Variants in AFDN observed in about 807,000 individuals in gnomAD.
AFDN encodes the protein afadin.
In AFDN, 68 loss-of-function variants were observed where a neutral mutation model predicts 216.6. That is an observed-to-expected ratio of 0.31 (90% CI 0.26 to 0.38). AFDN has a LOEUF of 0.38. Among genes scored for constraint, AFDN ranks in the 10% least tolerant of loss-of-function variants. The probability of loss-of-function intolerance (pLI) is 1.00; values close to 1 mark genes in which losing one functional copy is unlikely to be tolerated. For synonymous variants in AFDN, 868 were observed against 853.7 expected (o/e 1.02, Z -0.29); for missense variants, 2,136 against 2,342.0 (o/e 0.91, Z 1.82).
At chr6:167,887,094 A>T (rs905437867) in intron 6 of AFDN, among the ~76,000 whole-genome samples, 1 of 151,128 alleles carries the variant, frequency 6.6e-6, no homozygotes, top group African/African-American at 2.4e-5. Flanking sequence ...GGGAATGTTG[A>T]TGTTGATAAG....
intron 2 of AFDN, 40 bp from the exon 3 acceptor site, chr6:167,870,344 AAC>A: frequency 7.7e-7 from 1 of 1,300,844 alleles, no homozygotes; most frequent in Non-Finnish European, 1.1e-6. Context: ...TCTATGAAAT[AAC>A]CATAGCTTAT....
rs2128665182 is a variant in AFDN at position 167,948,494 on chromosome 6, T to A, written c.3831+16T>A. On this transcript the variant is annotated intron_variant, in intron 29 of 33. Coordinates refer to ENST00000683244, the MANE Select transcript of AFDN (RefSeq NM_001386888.1). Reference sequence around the variant, plus strand: ...TGCAATTCAGGTTAGAAATCAAAGATTCCACACACTTTTCTCACCTCTCAA... The same window carrying A: ...TGCAATTCAGGTTAGAAATCAAAGAATCCACACACTTTTCTCACCTCTCAA... 1.9e-6 allele frequency: 3 copies of A among 1,608,548 alleles called. No individual in the cohort carries two copies. In the East Asian group the frequency reaches 6.7e-5, roughly 36 times the overall value.
chr6:167,951,510 T>G lies in AFDN; in HGVS notation c.4156T>G (p.Phe1386Val), dbSNP rs748900150. 6.2e-7 allele frequency: 1 copy of G among 1,613,920 alleles called. No homozygotes were observed. Among genetic ancestry groups the G allele is most frequent in the Admixed American group, 1.7e-5 (1 of 60,002 alleles). Residue 1386 changes from phenylalanine (F) to valine (V), a missense_variant, in exon 30 of 34, where the codon TTC becomes GTC. Physicochemically the swap from Phe to Val is conservative, Grantham distance 50. Around this residue, in one of 8 missense-constraint regions of AFDN, gnomAD observed 981 missense variants for 966.0 expected, o/e 1.02. Transcript: ENST00000683244. This position sits in a 1 kb window ranked among gnomAD's most constrained non-coding sequence, Gnocchi z 7.1. Reference sequence around the variant, plus strand: ...ACCTCCAGTCCACTATGCCGGTGATTTCGATGGAATGTCCATGGATTTGCC... The same window carrying G: ...ACCTCCAGTCCACTATGCCGGTGATGTCGATGGAATGTCCATGGATTTGCC... ...PPPPVHYAGD[F>V]DGMSMDLPLP... is the part of the protein sequence containing the mutation.
chr6:167,903,204 G>A (rs1165002771), intron 12 of AFDN, among the ~76,000 whole-genome samples: 5 of 152,288 alleles, frequency 3.3e-5, no homozygotes, highest in Admixed American at 2.6e-4. Context: ...TGGCTAAACA[G>A]CAACCATTTT....
At chr6:167,949,177 T>G (rs182022599) in intron 29 of AFDN, among the ~76,000 whole-genome samples, 16 of 152,350 alleles carry the variant, frequency 1.1e-4, no homozygotes, top group South Asian at 2.1e-4. Flanking sequence ...TTTAGAGAGA[T>G]AACTGTTTGT....
chr6:167,956,138 A>C (rs962631840), intron 30 of AFDN, among the ~76,000 whole-genome samples: 1 of 150,720 alleles, frequency 6.6e-6, no homozygotes, highest in Non-Finnish European at 1.5e-5. Context: ...AAAAAAAAAA[A>C]AACTATAGAA....
intron 23 of AFDN, among the ~76,000 whole-genome samples, chr6:167,931,939 C>T (rs1160560369): frequency 6.6e-6 from 1 of 152,140 alleles, no homozygotes; most frequent in Non-Finnish European, 1.5e-5. Context: ...CCCATGGCAC[C>T]CCCTCTCAAA....
intron 23 of AFDN, among the ~76,000 whole-genome samples, chr6:167,939,998 C>T (rs1794490687): frequency 6.6e-6 from 1 of 152,214 alleles, no homozygotes; most frequent in Non-Finnish European, 1.5e-5. Flanking sequence ...AAAGCTCAGT[C>T]TTTGCCAACT....
chr6:167,898,153 A>C, intron 10 of AFDN, 52 bp from the exon 11 acceptor site: 1 of 1,596,190 alleles, frequency 6.3e-7, no homozygotes, highest in Non-Finnish European at 8.6e-7. Context: ...TTCTGTGTTT[A>C]AATGCTGTGA....
chr6:167,951,592 C>T lies in AFDN; in HGVS notation c.4238C>T (p.Ala1413Val), dbSNP rs1360301243. 6.2e-7 allele frequency: 1 copy of T among 1,613,938 alleles called. No individual in the cohort carries two copies. Among genetic ancestry groups the T allele is most frequent in the Admixed American group, 1.7e-5 (1 of 59,992 alleles). ...GGGCTGCCGTCTGCGCAGGTGGCTG[C>T]TGCTGAACGGAGAAAGAGAGAAGAA... ...QIGLPSAQVA[A>V]AERRKREEHQ... Residue 1413 changes from alanine to valine, a missense_variant, in exon 30 of 34, where the codon GCT becomes GTT. Physicochemically the swap from Ala to Val is moderately conservative, Grantham distance 64 (BLOSUM62 0). Around this residue, in one of 8 missense-constraint regions of AFDN, gnomAD observed 981 missense variants for 966.0 expected, o/e 1.02. Coordinates refer to ENST00000683244, the MANE Select transcript of AFDN (RefSeq NM_001386888.1). This position sits in a 1 kb window ranked among gnomAD's most constrained non-coding sequence, Gnocchi z 7.1.
intron 19 of AFDN, among the ~76,000 whole-genome samples, chr6:167,915,717 T>G (rs112983422): frequency 6.6e-6 from 1 of 152,164 alleles, no homozygotes; most frequent in African/African-American, 2.4e-5. Flanking sequence ...AAATTCAGAG[T>G]TAGAAATGGT....
At chr6:167,950,381 C>T (rs941235671) in intron 29 of AFDN, among the ~76,000 whole-genome samples, 2 of 143,632 alleles carry the variant, frequency 1.4e-5, no homozygotes, top group African/African-American at 5.2e-5. Flanking sequence ...AAAAAGTATA[C>T]TCATTTTTCT....
Position 167,969,871 on chromosome 6 carries a change from T to G in AFDN, c.5432T>G (p.Val1811Gly), listed in dbSNP as rs1387236316. ...RQRLFSQGQD[V>G]SNKVKASRKL... Reference sequence around the variant, plus strand: ...CGTCTTTTTTCACAAGGTCAAGATGTATCCAATAAAGTGAAAGCTTCTCGT... The same window carrying G: ...CGTCTTTTTTCACAAGGTCAAGATGGATCCAATAAAGTGAAAGCTTCTCGT... Residue 1811 changes from valine to glycine, a missense_variant, in exon 34 of 34, where the codon GTA becomes GGA. Physicochemically the swap from Val to Gly is moderately radical, Grantham distance 109 (BLOSUM62 -3). This residue lies in a region of AFDN where 981 missense variants were observed against 966.0 expected (regional missense o/e 1.02). Transcript: ENST00000683244. The G allele has an allele frequency of 6.2e-7, 1 of 1,612,592 alleles. No homozygotes were observed. Among genetic ancestry groups the G allele is most frequent in the Non-Finnish European group, 8.5e-7 (1 of 1,179,498 alleles).
rs139567573 is a variant in AFDN, at chr6:167,952,701, ACTGT to A, written c.4833+518_4833+521del. The A allele has an allele frequency of 4.5e-3, 747 of 164,716 alleles. 2 individuals are homozygous for A. The highest frequency in any genetic ancestry group is 6.8e-3 in the Non-Finnish European group (543 of 79,478). 10.2% of individuals were successfully genotyped at this position (164,716 alleles called of 1,614,324 possible). A position where few individuals can be genotyped will look rare whatever the true frequency, so the allele number is the denominator to read the frequency against. ...TATTTACAGAAACACAGGGCAGATGACTGTCTGGCCCCTGGTCTTGTCAGCATTT... is the reference window on the plus strand; with the variant it reads ...TATTTACAGAAACACAGGGCAGATGACTGGCCCCTGGTCTTGTCAGCATTT... On this transcript the variant is annotated intron_variant, in intron 30 of 33. Coordinates refer to ENST00000683244, the MANE Select transcript of AFDN (RefSeq NM_001386888.1).
chr6:167,971,519 T>C lies in AFDN; in HGVS notation c.*1584T>C, dbSNP rs1023154505. Reference sequence around the variant, plus strand: ...AAGAGAGTGAATGGTTCTGAGTGTTTAGGAAGGATTTGCTTGCTTGCAGCA... The same window carrying C: ...AAGAGAGTGAATGGTTCTGAGTGTTCAGGAAGGATTTGCTTGCTTGCAGCA... On this transcript the variant is annotated 3_prime_UTR_variant, in exon 34 of 34. Coordinates refer to ENST00000683244, the MANE Select transcript of AFDN (RefSeq NM_001386888.1). The C allele has an allele frequency of 2.0e-5, 4 of 195,350 alleles. No homozygotes were observed. The highest frequency in any genetic ancestry group is 6.1e-5 in the Admixed American group (1 of 16,422). 12.1% of individuals were successfully genotyped at this position (195,350 alleles called of 1,614,324 possible). A position where few individuals can be genotyped will look rare whatever the true frequency, so the allele number is the denominator to read the frequency against.
chr6:167,874,475 T>G (rs1014557630), intron 4 of AFDN, among the ~76,000 whole-genome samples: 1 of 152,200 alleles, frequency 6.6e-6, no homozygotes, highest in Non-Finnish European at 1.5e-5. Context: ...TACATTTGAC[T>G]TCTTCACAGA....
In AFDN at chr6:167,924,327, T is replaced by A. The variant is rs184886641; in HGVS notation, c.3013-678T>A. Among the ~76,000 whole-genome samples, 570 of 152,364 alleles carry A rather than the reference T, an allele frequency of 3.7e-3. 6 individuals carry two copies. The highest frequency in any genetic ancestry group is 3.1e-3 in the Non-Finnish European group (209 of 68,042). ...TACTCTTTGGCGTATAGGAGTGACA[T>A]GTATAGAATACGTAACTTCAATGAG... On this transcript the variant is annotated intron_variant, in intron 22 of 33. Transcript: ENST00000683244.
intron 4 of AFDN, among the ~76,000 whole-genome samples, chr6:167,873,168 T>C (rs1284297751): frequency 6.6e-6 from 1 of 152,218 alleles, no homozygotes; most frequent in Admixed American, 6.5e-5. Context: ...AAAGTCAGAA[T>C]ATATAGATTT....
intron 7 of AFDN, 77 bp from the exon 8 acceptor site, chr6:167,890,785 G>T: frequency 7.1e-7 from 1 of 1,401,972 alleles, no homozygotes; most frequent in East Asian, 2.3e-5. Flanking sequence ...AGAAAGTTTT[G>T]CACAGTTGAC....
Sources: gnomAD v4.1 joint callset for allele counts (sites outside exome capture counted in the v4.1 genomes callset) on GRCh38, gnomAD v4.1.1 for gene constraint, gnomAD v4.1.1 regional missense constraint, Gnocchi (gnomAD v3.1) non-coding constraint, MANE v1.5 for transcripts, NCBI Gene and HGNC (gene_info 2026-07-23, HGNC 2026-07-21) for gene names.